Variants in RBFOX3 observed in about 807,000 individuals in gnomAD.
The protein encoded by RBFOX3 is RNA binding protein fox-1 homolog 3.
A neutral mutation model predicts 48.7 loss-of-function variants in RBFOX3; 17 were observed. The observed-to-expected ratio is 0.35, with a 90% CI of 0.24 to 0.52. RBFOX3 has a LOEUF of 0.52. Among genes scored for constraint, RBFOX3 ranks in the 20% least tolerant of loss-of-function variants. The pLI, the probability that RBFOX3 is intolerant of heterozygous loss-of-function variation, is 0.94. For synonymous variants in RBFOX3, 212 were observed against 209.5 expected (o/e 1.01, Z -0.10); for missense variants, 382 against 497.5 (o/e 0.77, Z 2.21).
At chr17:79,356,201 G>A (rs1254634113) in intron 2 of RBFOX3, among the ~76,000 whole-genome samples, 2 of 152,052 alleles carry the variant, frequency 1.3e-5, no homozygotes, top group Non-Finnish European at 2.9e-5. Context: ...GTGAAACTTG[G>A]AGAGGCATGT....
At chr17:79,440,787 C>G (rs1318242588) in intron 2 of RBFOX3, among the ~76,000 whole-genome samples, 1 of 152,116 alleles carries the variant, frequency 6.6e-6, no homozygotes, top group Non-Finnish European at 1.5e-5. Context: ...AGGAAGGGCC[C>G]CCCTGCACCC....
At chr17:79,100,762 C>G (rs1211115570) in intron 9 of RBFOX3, among the ~76,000 whole-genome samples, 1 of 152,230 alleles carries the variant, frequency 6.6e-6, no homozygotes, top group Non-Finnish European at 1.5e-5. Context: ...TCAAAGCAGG[C>G]CCCTTGCCGG....
At chr17:79,543,238 G>A (rs1382520223) in intron 1 of RBFOX3, among the ~76,000 whole-genome samples, 1 of 152,142 alleles carries the variant, frequency 6.6e-6, no homozygotes, top group Non-Finnish European at 1.5e-5. Flanking sequence ...GCCTTACTGA[G>A]CATCTTCTCT....
chr17:79,316,791 A>G (rs1347345743), intron 2 of RBFOX3, among the ~76,000 whole-genome samples: 1 of 152,258 alleles, frequency 6.6e-6, no homozygotes, highest in Non-Finnish European at 1.5e-5. Context: ...TTGTTTTAGT[A>G]TAAGTTCATA....
At chr17:79,102,750 C>T (rs1205530678) in intron 8 of RBFOX3, among the ~76,000 whole-genome samples, 3 of 152,208 alleles carry the variant, frequency 2.0e-5, no homozygotes, top group Non-Finnish European at 4.4e-5. Flanking sequence ...AGGGCCCAGA[C>T]TGGGCCATGT....
chr17:79,481,589 C>A lies in RBFOX3; in HGVS notation c.-175+865G>T, dbSNP rs372697649. ...TTAGAGGGTTGGAAATTTCACTCCC[C>A]ACCTCAGGGGAGCAGAGAGGGCTAG... On this transcript the variant is annotated intron_variant, in intron 2 of 14. Coordinates refer to ENST00000693108, the MANE Select transcript of RBFOX3 (RefSeq NM_001350451.2). This position sits in a 1 kb window ranked among gnomAD's most constrained non-coding sequence, Gnocchi z 5.4. 6.6e-6 allele frequency among the ~76,000 whole-genome samples: 1 copy of A among 152,218 alleles called. No individual in the cohort carries two copies. The highest frequency in any genetic ancestry group is 2.4e-5 in the African/African-American group (1 of 41,534).
intron 2 of RBFOX3, among the ~76,000 whole-genome samples, chr17:79,419,769 G>T (rs144603199): frequency 6.0e-4 from 91 of 152,338 alleles, no homozygotes; most frequent in African/African-American, 2.1e-3. Flanking sequence ...GGCTGCTTGT[G>T]TGAGTTCTGG....
Position 79,129,840 on chromosome 17 carries a change from A to C in RBFOX3, c.-33-14092T>G, listed in dbSNP as rs566299766. Among the ~76,000 whole-genome samples, 4 of 152,226 alleles carry C rather than the reference A, an allele frequency of 2.6e-5. No individual in the cohort carries two copies. The South Asian group carries it at 8.3e-4, about 31-fold the overall frequency. On this transcript the variant is annotated intron_variant, in intron 4 of 14. Transcript: ENST00000693108. The stretch of plus-strand genomic sequence containing the variant: ...AAGAGATACTTACAGTCCAGAGCTT[A>C]TATGACACCCCAGCCCATGCCAGGG...
intron 4 of RBFOX3, among the ~76,000 whole-genome samples, chr17:79,141,195 T>C (rs1419383048): frequency 6.6e-6 from 1 of 152,006 alleles, no homozygotes; most frequent in Non-Finnish European, 1.5e-5. Flanking sequence ...GGGACAGAAT[T>C]GGGAGGGGTC....
chr17:79,496,586 G>A (rs2081574032), intron 1 of RBFOX3, among the ~76,000 whole-genome samples: 2 of 152,182 alleles, frequency 1.3e-5, no homozygotes, highest in Non-Finnish European at 2.9e-5. Context: ...GCCCTGGCGG[G>A]GCTTGGCTTC....
At chr17:79,407,682 G>A (rs2063732568) in intron 2 of RBFOX3, among the ~76,000 whole-genome samples, 1 of 152,178 alleles carries the variant, frequency 6.6e-6, no homozygotes, top group Non-Finnish European at 1.5e-5. Context: ...GGCGTGGGGA[G>A]GACTTCTGCA....
intron 2 of RBFOX3, among the ~76,000 whole-genome samples, chr17:79,352,590 A>G (rs550474372): frequency 6.6e-6 from 1 of 152,164 alleles, no homozygotes; most frequent in South Asian, 2.1e-4. Context: ...CACATCCCCA[A>G]CTTACCTCTT....
chr17:79,531,730 C>G (rs2087809459), intron 1 of RBFOX3, among the ~76,000 whole-genome samples: 2 of 152,206 alleles, frequency 1.3e-5, no homozygotes, highest in Non-Finnish European at 2.9e-5. Flanking sequence ...CCAGTTTCCC[C>G]AGAACATAAG....
At chr17:79,374,575 A>C (rs538532954) in intron 2 of RBFOX3, among the ~76,000 whole-genome samples, 1 of 152,346 alleles carries the variant, frequency 6.6e-6, no homozygotes, top group East Asian at 1.9e-4. Flanking sequence ...TGATGAGAAA[A>C]TGCGAGAGCT....
At chr17:79,510,508 C>T (rs1450965585) in intron 1 of RBFOX3, among the ~76,000 whole-genome samples, 9 of 152,220 alleles carry the variant, frequency 5.9e-5, no homozygotes, top group African/African-American at 2.2e-4. Flanking sequence ...GAGAGGGGCA[C>T]CGTGCCTGCG....
At chr17:79,468,295 G>A (rs1004330082) in intron 2 of RBFOX3, among the ~76,000 whole-genome samples, 3 of 152,188 alleles carry the variant, frequency 2.0e-5, no homozygotes, top group Non-Finnish European at 4.4e-5. Flanking sequence ...ATGGATAATA[G>A]ATAGATGAGT....
At chr17:79,652,452 A>AAGAG in the RBFOX3 span, among the ~76,000 whole-genome samples, 16 of 146,910 alleles carry the variant, frequency 1.1e-4, no homozygotes, top group Non-Finnish European at 2.0e-4. Context: ...TCTGGAAAGA[A>AAGAG]AGAGAGAGAG....
At chr17:79,158,289 G>A (rs929168678) in intron 4 of RBFOX3, among the ~76,000 whole-genome samples, 4 of 152,234 alleles carry the variant, frequency 2.6e-5, no homozygotes, top group African/African-American at 9.6e-5. Context: ...CTGGTCTGTG[G>A]CAGACCAATA....
intron 4 of RBFOX3, among the ~76,000 whole-genome samples, chr17:79,184,362 C>T (rs530169917): frequency 9.8e-5 from 15 of 152,324 alleles, no homozygotes; most frequent in Admixed American, 3.9e-4. Flanking sequence ...CTGGACTTGA[C>T]GTGTTTCGCT....
Sources: allele counts gnomAD v4.1 joint callset (sites outside exome capture counted in the v4.1 genomes callset), GRCh38; gene constraint gnomAD v4.1.1; non-coding constraint Gnocchi (gnomAD v3.1); transcripts MANE v1.5; gene names NCBI Gene and HGNC (gene_info 2026-07-23, HGNC 2026-07-21).